Variants in UTRN observed in about 807,000 individuals in gnomAD.
UTRN encodes the protein dystrophin-related protein 1.
A neutral mutation model predicts 463.9 loss-of-function variants in UTRN; 283 were observed. The ratio of observed to expected loss-of-function variants is 0.61; its 90% confidence interval spans 0.55 to 0.67. UTRN has a LOEUF of 0.67. UTRN is among the 30% of genes least tolerant of loss of function. The pLI is 0.00. For missense variants in UTRN, 3,922 were observed against 4,084.3 expected (o/e 0.96, Z 1.08); for synonymous variants, 1,442 against 1,431.5 (o/e 1.01, Z -0.17).
rs1289255582 is a variant in UTRN at position 144,286,930 on chromosome 6, C to T, written c.-93+1109C>T. Among the ~76,000 whole-genome samples the T allele has an allele frequency of 4.6e-5, 7 of 152,306 alleles. No homozygotes were observed. In the East Asian group the frequency reaches 1.2e-3, roughly 25 times the overall value. ...ACCAGGGCCTTGCGGGCCAGTTCCC[C>T]CTGCCGCGGTTGGGAGGGTCAGTGC... On this transcript the variant is annotated intron_variant, in intron 1 of 74. Coordinates refer to ENST00000367545, the MANE Select transcript of UTRN (RefSeq NM_007124.3). This position sits in a 1 kb window ranked among gnomAD's most constrained non-coding sequence, Gnocchi z 4.4.
intron 73 of UTRN, among the ~76,000 whole-genome samples, 187 bp downstream of exon 73, chr6:144,841,019 CG>C (rs1415507292): frequency 6.6e-6 from 1 of 152,148 alleles, no homozygotes; most frequent in African/African-American, 2.4e-5. Flanking sequence ...TATCAAGTAA[CG>C]GGGGTACAGT....
chr6:144,807,221 T>G (rs868859072), intron 65 of UTRN, among the ~76,000 whole-genome samples: 6 of 152,234 alleles, frequency 3.9e-5, no homozygotes, highest in Admixed American at 3.3e-4. Context: ...TTTCTATTTT[T>G]AAGAGCTTTC....
chr6:144,498,517 C>T (rs1052116192), intron 33 of UTRN, among the ~76,000 whole-genome samples: 1 of 152,178 alleles, frequency 6.6e-6, no homozygotes, highest in African/African-American at 2.4e-5. Flanking sequence ...ATTTTCCCCT[C>T]AAGTTACTAT....
At chr6:144,749,710 A>G (rs1791178089) in intron 55 of UTRN, among the ~76,000 whole-genome samples, 1 of 152,196 alleles carries the variant, frequency 6.6e-6, no homozygotes, top group Non-Finnish European at 1.5e-5. Context: ...AAAAAGAAAA[A>G]CAAAAACCAA....
chr6:144,289,700 G>A (rs910434282), intron 1 of UTRN, among the ~76,000 whole-genome samples: 3 of 152,160 alleles, frequency 2.0e-5, no homozygotes, highest in Middle Eastern at 6.8e-3. Flanking sequence ...CCAGGCTGGA[G>A]AGTAATAGCA....
At chr6:144,343,344 T>G (rs142642210) in intron 2 of UTRN, among the ~76,000 whole-genome samples, 2,276 of 147,024 alleles carry the variant, frequency 0.015, 65 homozygotes, top group African/African-American at 0.055. Flanking sequence ...ACCAACATGG[T>G]GAAATCCCGT....
At chr6:144,669,956 GGTGTGT>G (rs35769043) in intron 51 of UTRN, among the ~76,000 whole-genome samples, 7,815 of 147,904 alleles carry the variant, frequency 0.053, 752 homozygotes, top group East Asian at 0.49. Context: ...AGTATTCCAT[GGTGTGT>G]GTGTGTGTGT....
chr6:144,554,574 C>T, intron 48 of UTRN, 114 bp from the exon 49 acceptor site: 1 of 1,048,958 alleles, frequency 9.5e-7, no homozygotes, highest in South Asian at 1.6e-5. Context: ...TGTTTATCAG[C>T]TTGCCTTCTT....
intron 43 of UTRN, among the ~76,000 whole-genome samples, chr6:144,535,732 T>C (rs187648010): frequency 6.7e-4 from 102 of 152,320 alleles, no homozygotes; most frequent in Admixed American, 1.2e-3. Context: ...TGTTTTTGTA[T>C]TGAGTGCCTG....
rs1303831799 is a variant in UTRN at position 144,816,490 on chromosome 6, A to T, written c.9358-4392A>T. On this transcript the variant is annotated intron_variant, in intron 65 of 74. Coordinates refer to ENST00000367545, the MANE Select transcript of UTRN (RefSeq NM_007124.3). Reference sequence around the variant, plus strand: ...CATTAAGCCATACTTTTTTGTGTATATATTTTGTTTTACTTTAAAATAAAA... The same window carrying T: ...CATTAAGCCATACTTTTTTGTGTATTTATTTTGTTTTACTTTAAAATAAAA... Among the ~76,000 whole-genome samples, 4 of 151,868 alleles carry T rather than the reference A, an allele frequency of 2.6e-5. No individual in the cohort carries two copies. In the South Asian group the frequency reaches 8.3e-4, roughly 32 times the overall value.
intron 54 of UTRN, among the ~76,000 whole-genome samples, 192 bp downstream of exon 54, chr6:144,730,678 G>T (rs543153642): frequency 7.8e-4 from 119 of 151,868 alleles, no homozygotes; most frequent in Admixed American, 1.6e-3. Flanking sequence ...TAAAATTTTT[G>T]TATACCTCAA....
At chr6:144,376,559 G>GT (rs1459380649) in intron 2 of UTRN, among the ~76,000 whole-genome samples, 1 of 152,030 alleles carries the variant, frequency 6.6e-6, no homozygotes, top group Non-Finnish European at 1.5e-5. Flanking sequence ...GCCTCCCAAA[G>GT]TGCTGGGATT....
At chr6:144,527,294 G>T (rs532843405) in intron 41 of UTRN, among the ~76,000 whole-genome samples, 1 of 152,148 alleles carries the variant, frequency 6.6e-6, no homozygotes, top group Non-Finnish European at 1.5e-5. Context: ...GCTTGTAATT[G>T]TTTTGTTTAA....
chr6:144,342,342 T>TACAC (rs55809792), intron 2 of UTRN, among the ~76,000 whole-genome samples: 8,086 of 138,254 alleles, frequency 0.058, 344 homozygotes, highest in African/African-American at 0.13. Context: ...GGTACACACA[T>TACAC]ACACACACAC....
chr6:144,402,665 T>C lies in UTRN; in HGVS notation c.80-458T>C, dbSNP rs537567810. Among the ~76,000 whole-genome samples, 4 of 152,334 alleles carry C rather than the reference T, an allele frequency of 2.6e-5. No homozygotes were observed. The East Asian group carries it at 5.8e-4, about 22-fold the overall frequency. On this transcript the variant is annotated intron_variant, in intron 2 of 74. Coordinates refer to ENST00000367545, the MANE Select transcript of UTRN (RefSeq NM_007124.3). The stretch of plus-strand genomic sequence containing the variant: ...CCTTATACTGTCATTCTAGAGGGTG[T>C]AGGACCAGTATGAAGAGGGAGGAAG...
Position 144,747,552 on chromosome 6 carries a change from T to C in UTRN, c.7940-694T>C, listed in dbSNP as rs140390919. Among the ~76,000 whole-genome samples, 551 of 152,352 alleles carry C rather than the reference T, an allele frequency of 3.6e-3. 6 individuals carry two copies. Among genetic ancestry groups the C allele is most frequent in the African/African-American group, 0.013 (523 of 41,572 alleles). On this transcript the variant is annotated intron_variant, in intron 54 of 74. Transcript: ENST00000367545. ...CTGTTCCAGCCCACATCCTGTGGCC[T>C]GTCCATGTGTTATGCTTGCTATTTT...
At chr6:144,551,136 GACACACACACACAC>G (rs5880596) in intron 48 of UTRN, 54 bp downstream of exon 48, 7 of 635,256 alleles carry the variant, frequency 1.1e-5, no homozygotes, top group East Asian at 9.6e-5. Flanking sequence ...TGCAAATGGT[GACACACACACACAC>G]ACACACACAC....
intron 53 of UTRN, among the ~76,000 whole-genome samples, chr6:144,718,151 TG>T (rs1163039943): frequency 6.6e-6 from 1 of 152,004 alleles, no homozygotes; most frequent in Non-Finnish European, 1.5e-5. Context: ...CTGAGAAACA[TG>T]GTAGAATTTT....
Position 144,474,619 on chromosome 6 carries a change from A to G in UTRN, c.3196A>G (p.Ile1066Val), listed in dbSNP as rs1284439737. 5 of 1,612,856 alleles carry G rather than the reference A, an allele frequency of 3.1e-6. No homozygotes were observed. Among genetic ancestry groups the G allele is most frequent in the Non-Finnish European group, 1.7e-6 (2 of 1,179,612 alleles). The change falls in exon 25 of 75, where the codon ATA becomes GTA. Residue 1066 changes from isoleucine (I) to valine (V), a missense_variant. By Grantham distance (29) the Ile-to-Val change is conservative. Transcript: ENST00000367545. ...ATGTGTTTAGGCATTTGTTAATGAA[A>G]TAGAAACAATTGAATCATCTCTGAA... is the stretch of plus-strand genomic sequence containing the variant. ...LDQCSAFVNE[I>V]ETIESSLKNM...
Sources: allele counts gnomAD v4.1 joint callset (sites outside exome capture counted in the v4.1 genomes callset), GRCh38; gene constraint gnomAD v4.1.1; non-coding constraint Gnocchi (gnomAD v3.1); transcripts MANE v1.5; gene names NCBI Gene and HGNC (gene_info 2026-07-23, HGNC 2026-07-21).